Variants in OPCML observed in about 807,000 individuals in gnomAD.
OPCML encodes opioid-binding protein/cell adhesion molecule.
In OPCML, 13 loss-of-function variants were observed where a neutral mutation model predicts 37.8. That is an observed-to-expected ratio of 0.34 (90% CI 0.22 to 0.55). The LOEUF is 0.55. Ranked by LOEUF, OPCML falls within the 20% of genes least tolerant of loss-of-function variation. The probability of loss-of-function intolerance (pLI) is 0.91; values close to 1 mark genes in which losing one functional copy is unlikely to be tolerated. For synonymous variants in OPCML, 176 were observed against 168.8 expected, an observed-to-expected ratio of 1.04 and a Z score of -0.33; for missense variants, 341 against 435.6, an observed-to-expected ratio of 0.78 and a Z score of 1.93.
At chr11:132,503,982 A>G (rs2096251090) in intron 4 of OPCML, among the ~76,000 whole-genome samples, 1 of 152,194 alleles carries the variant, frequency 6.6e-6, no homozygotes, top group African/African-American at 2.4e-5. Flanking sequence ...CACCTTTGTT[A>G]AAAGCAAGGA....
At chr11:133,028,520 G>A (rs961287634) in intron 1 of OPCML, among the ~76,000 whole-genome samples, 2 of 95,364 alleles carry the variant, frequency 2.1e-5, no homozygotes, top group African/African-American at 1.1e-4. Flanking sequence ...TGTTTGATAA[G>A]GAGCGTGTGT....
intron 1 of OPCML, among the ~76,000 whole-genome samples, chr11:133,463,827 A>G (rs999458459): frequency 6.6e-6 from 1 of 152,234 alleles, no homozygotes; most frequent in African/African-American, 2.4e-5. Context: ...TCTTAAAATT[A>G]TGCAAATTAC....
chr11:133,210,569 C>T (rs1426586956), intron 1 of OPCML, among the ~76,000 whole-genome samples: 1 of 152,162 alleles, frequency 6.6e-6, no homozygotes, highest in Non-Finnish European at 1.5e-5. Flanking sequence ...GCTATGGAAA[C>T]TGAGCTCAAA....
intron 1 of OPCML, among the ~76,000 whole-genome samples, chr11:132,998,673 G>A (rs11605732): frequency 0.016 from 2,479 of 152,314 alleles, 31 homozygotes; most frequent in Non-Finnish European, 0.024. Flanking sequence ...CCCCCAAGGT[G>A]AAGGTGGGGG....
chr11:132,532,069 A>T (rs2096327046), intron 3 of OPCML, among the ~76,000 whole-genome samples: 1 of 152,050 alleles, frequency 6.6e-6, no homozygotes, highest in East Asian at 2.0e-4. Flanking sequence ...TTCCACAGAC[A>T]TCGTATCTCA....
intron 1 of OPCML, among the ~76,000 whole-genome samples, chr11:133,369,630 A>G (rs1944629396): frequency 6.6e-6 from 1 of 152,190 alleles, no homozygotes; most frequent in Admixed American, 6.5e-5. Context: ...ACCATACATC[A>G]TTCCACAACT....
intron 3 of OPCML, among the ~76,000 whole-genome samples, chr11:132,641,528 C>T (rs1020060444): frequency 6.6e-6 from 1 of 152,168 alleles, no homozygotes; most frequent in South Asian, 2.1e-4. Flanking sequence ...TTTTTAATGG[C>T]CTGGCCTTAA....
At chr11:133,390,417 C>T (rs542066203) in intron 1 of OPCML, among the ~76,000 whole-genome samples, 4 of 152,236 alleles carry the variant, frequency 2.6e-5, no homozygotes, top group Middle Eastern at 3.4e-3. Flanking sequence ...GAGCCGAGAT[C>T]GCGCCACTGC....
intron 1 of OPCML, among the ~76,000 whole-genome samples, chr11:133,463,819 T>G (rs967744862): frequency 3.3e-5 from 5 of 152,198 alleles, no homozygotes; most frequent in Non-Finnish European, 7.3e-5. Context: ...ATGCTGACTC[T>G]TAAAATTATG....
chr11:132,775,491 A>G (rs1946779211), intron 2 of OPCML, among the ~76,000 whole-genome samples: 1 of 152,172 alleles, frequency 6.6e-6, no homozygotes, highest in Non-Finnish European at 1.5e-5. Flanking sequence ...CAACTCACTG[A>G]GAGGAACAGT....
At chr11:132,570,783 A>T (rs1473697364) in intron 3 of OPCML, among the ~76,000 whole-genome samples, 2 of 121,010 alleles carry the variant, frequency 1.7e-5, no homozygotes, top group African/African-American at 3.2e-5. Flanking sequence ...ATATATATAT[A>T]TATATATATA....
intron 2 of OPCML, among the ~76,000 whole-genome samples, chr11:132,836,812 G>C (rs1451953088): frequency 1.3e-5 from 2 of 152,164 alleles, no homozygotes; most frequent in Non-Finnish European, 2.9e-5. Flanking sequence ...CCACGGAAAA[G>C]AGCAGGGGGT....
chr11:133,394,359 G>T (rs1449458652), intron 1 of OPCML, among the ~76,000 whole-genome samples: 1 of 152,056 alleles, frequency 6.6e-6, no homozygotes, highest in Non-Finnish European at 1.5e-5. Context: ...TCACATCAGG[G>T]TAAATGAAGT....
intron 1 of OPCML, among the ~76,000 whole-genome samples, chr11:133,129,965 G>GA (rs1375355111): frequency 2.0e-5 from 3 of 151,660 alleles, no homozygotes; most frequent in Non-Finnish European, 2.9e-5. Context: ...GATTCATATT[G>GA]AAAAAATCAG....
At chr11:132,781,170 T>C (rs1193644165) in intron 2 of OPCML, among the ~76,000 whole-genome samples, 1 of 152,150 alleles carries the variant, frequency 6.6e-6, no homozygotes, top group East Asian at 1.9e-4. Context: ...CCCAGACATT[T>C]GGTCAACCGT....
At chr11:133,481,492 A>G (rs990217876) in intron 1 of OPCML, among the ~76,000 whole-genome samples, 1 of 151,052 alleles carries the variant, frequency 6.6e-6, no homozygotes, top group Non-Finnish European at 1.5e-5. Flanking sequence ...TATGTATGTA[A>G]CTGTGGCTAC....
chr11:132,790,930 A>AC (rs1209637793), intron 2 of OPCML, among the ~76,000 whole-genome samples: 2 of 152,152 alleles, frequency 1.3e-5, no homozygotes, highest in Non-Finnish European at 2.9e-5. Context: ...TATCAGGAAA[A>AC]CCCTATAGTC....
chr11:132,987,671 C>T (rs761970912), intron 1 of OPCML, among the ~76,000 whole-genome samples: 11 of 152,032 alleles, frequency 7.2e-5, no homozygotes, highest in African/African-American at 1.2e-4. Flanking sequence ...AGAGCCAAAG[C>T]GGTGGCTATG....
chr11:133,159,335 G>T (rs755507788), intron 1 of OPCML, among the ~76,000 whole-genome samples: 2 of 152,140 alleles, frequency 1.3e-5, no homozygotes, highest in Non-Finnish European at 2.9e-5. Context: ...GTCAGGACAG[G>T]TTCAGTTATG....
Sources: allele counts gnomAD v4.1 joint callset (sites outside exome capture counted in the v4.1 genomes callset), GRCh38; gene constraint gnomAD v4.1.1; transcripts MANE v1.5; gene names NCBI Gene and HGNC (gene_info 2026-07-23, HGNC 2026-07-21).